Variants in TENT4A observed in about 807,000 individuals in gnomAD.
TENT4A encodes the protein DNA polymerase kappa.
Under a neutral mutation model 72.8 loss-of-function variants are expected in TENT4A, and 7 were observed. The observed-to-expected ratio is 0.10, with a 90% CI of 0.05 to 0.18. The LOEUF is 0.18. Among genes scored for constraint, TENT4A ranks in the 10% least tolerant of loss-of-function variants. The pLI, the probability that TENT4A is intolerant of heterozygous loss-of-function variation, is 1.00. For synonymous variants in TENT4A, 456 were observed against 434.3 expected (o/e 1.05, Z -0.62); for missense variants, 831 against 1,017.7 (o/e 0.82, Z 2.50).
intron 12 of TENT4A, among the ~76,000 whole-genome samples, chr5:6,753,674 CTGCGGATGCTCGG>C (rs1413270125): frequency 1.3e-5 from 2 of 152,238 alleles, no homozygotes; most frequent in African/African-American, 4.8e-5. Flanking sequence ...TCCTTGGGCT[CTGCGGATGCTCGG>C]TGCTTTCATC....
chr5:6,720,933 T>C (rs1740618140), intron 1 of TENT4A, among the ~76,000 whole-genome samples: 1 of 152,186 alleles, frequency 6.6e-6, no homozygotes, highest in Admixed American at 6.5e-5. Flanking sequence ...ACACTTGTCC[T>C]GCAAGCCCAG....
chr5:6,754,614 G>A (rs1039568590), intron 12 of TENT4A, 137 bp from the exon 13 acceptor site: 4 of 509,534 alleles, frequency 7.9e-6, no homozygotes, highest in Admixed American at 7.8e-5. Context: ...TGGAGGAGTT[G>A]GGAAGTCCCA....
intron 12 of TENT4A, among the ~76,000 whole-genome samples, chr5:6,753,720 G>T (rs28381431): frequency 6.6e-6 from 1 of 152,172 alleles, no homozygotes; most frequent in African/African-American, 2.4e-5. Context: ...TCTTTATTCC[G>T]CTCCTCCTTT....
chr5:6,747,619 T>A (rs562266713), intron 7 of TENT4A, among the ~76,000 whole-genome samples: 3 of 152,318 alleles, frequency 2.0e-5, no homozygotes, highest in African/African-American at 7.2e-5. Flanking sequence ...TCATCCATTT[T>A]TGTCCGTTGG....
At chr5:6,731,333 C>T (rs73033395) in intron 1 of TENT4A, among the ~76,000 whole-genome samples, 3,438 of 152,282 alleles carry the variant, frequency 0.023, 97 homozygotes, top group African/African-American at 0.068. Flanking sequence ...ACTGAACTCA[C>T]ATGCAGTTTG....
Position 6,739,609 on chromosome 5 carries a change from T to G in TENT4A, c.888-123T>G, listed in dbSNP as rs28363352. On this transcript the variant is annotated intron_variant, in intron 3 of 12. Transcript: ENST00000230859. Reference sequence around the variant, plus strand: ...CACCTCCTTAGGGGCCATAGGCTAGTGGGATTGTGTCTTGGCCTTTGTGGG... The same window carrying G: ...CACCTCCTTAGGGGCCATAGGCTAGGGGGATTGTGTCTTGGCCTTTGTGGG... The G allele has an allele frequency of 4.0e-5, 46 of 1,164,158 alleles. No homozygotes were observed. In the Middle Eastern group the frequency reaches 8.1e-4, roughly 21 times the overall value. 72.1% of individuals were successfully genotyped at this position (1,164,158 alleles called of 1,614,324 possible). A position where few individuals can be genotyped will look rare whatever the true frequency, so the allele number is the denominator to read the frequency against.
intron 1 of TENT4A, among the ~76,000 whole-genome samples, chr5:6,730,685 C>G (rs1579464823): frequency 6.6e-6 from 1 of 150,400 alleles, no homozygotes; most frequent in East Asian, 2.0e-4. Flanking sequence ...AAGCAGCTGA[C>G]TGGCAGCCCT....
At chr5:6,721,923 A>ATTC (rs1740673240) in intron 1 of TENT4A, among the ~76,000 whole-genome samples, 2 of 152,214 alleles carry the variant, frequency 1.3e-5, no homozygotes, top group Non-Finnish European at 2.9e-5. Flanking sequence ...TCCGTTTGAA[A>ATTC]GAGATTTCAG....
At chr5:6,720,574 G>A (rs1265853056) in intron 1 of TENT4A, among the ~76,000 whole-genome samples, 1 of 151,938 alleles carries the variant, frequency 6.6e-6, no homozygotes, top group Admixed American at 6.6e-5. Context: ...TACTCGGGAG[G>A]CAGAGGCAGG....
chr5:6,744,034 TG>T (rs1158677510), intron 6 of TENT4A, among the ~76,000 whole-genome samples, 194 bp downstream of exon 6: 1 of 152,248 alleles, frequency 6.6e-6, no homozygotes, highest in Non-Finnish European at 1.5e-5. Context: ...CATTTTGTAC[TG>T]GGTGTAACTG....
chr5:6,716,039 C>T (rs1362001121), intron 1 of TENT4A, among the ~76,000 whole-genome samples: 2 of 152,134 alleles, frequency 1.3e-5, no homozygotes, highest in African/African-American at 4.8e-5. Context: ...GAATGGACTC[C>T]GTTTCTCTTA....
At chr5:6,745,030 G>A (rs1254653409) in intron 6 of TENT4A, among the ~76,000 whole-genome samples, 1 of 152,172 alleles carries the variant, frequency 6.6e-6, no homozygotes, top group Non-Finnish European at 1.5e-5. Context: ...TGTGTTCACT[G>A]CCACATCCCT....
chr5:6,737,475 T>C (rs1380394779), intron 1 of TENT4A, 35 bp from the exon 2 acceptor site: 2 of 1,566,794 alleles, frequency 1.3e-6, no homozygotes, highest in African/African-American at 1.4e-5. Flanking sequence ...GACATTTCAT[T>C]GTAACTCTAG....
At chr5:6,751,404 G>A (rs1380085404) in intron 11 of TENT4A, 2 of 569,124 alleles carry the variant, frequency 3.5e-6, no homozygotes, top group Admixed American at 3.2e-5. Flanking sequence ...GGACACTGTG[G>A]TTCTTGAGTG....
intron 1 of TENT4A, among the ~76,000 whole-genome samples, chr5:6,736,786 G>C (rs1741528029): frequency 6.6e-6 from 1 of 152,234 alleles, no homozygotes; most frequent in Admixed American, 6.5e-5. Context: ...CTGCTTTAGA[G>C]CTTTGTTAAG....
At position 6,746,445 on chromosome 5, in the gene TENT4A, TCCACTGCTGAGAGCTGGGCCAG is replaced by T; in HGVS notation, c.1459+21_1459+42del. The T allele has an allele frequency of 6.2e-7, 1 of 1,612,696 alleles. No homozygotes were observed. The stretch of plus-strand genomic sequence containing the variant: ...GCTGCCAGGTAAGGGCGCCCTGATC[TCCACTGCTGAGAGCTGGGCCAG>T]CCTCGGGGACGTGCTGGTGACAGGG... On this transcript the variant is annotated intron_variant, in intron 7 of 12. Transcript: ENST00000230859.
intron 6 of TENT4A, 69 bp downstream of exon 6, chr5:6,743,909 C>T: frequency 6.9e-7 from 1 of 1,443,734 alleles, no homozygotes; most frequent in Non-Finnish European, 9.5e-7. Context: ...AACCAGTTGC[C>T]TAGTGGGTTC....
At chr5:6,750,830 G>C in intron 10 of TENT4A, 1 of 579,040 alleles carries the variant, frequency 1.7e-6, no homozygotes, top group Non-Finnish European at 3.0e-6. Flanking sequence ...TATCTCTTCT[G>C]TATTTCCTTT....
intron 3 of TENT4A, among the ~76,000 whole-genome samples, chr5:6,739,282 G>A (rs1288596969): frequency 6.6e-6 from 1 of 152,168 alleles, no homozygotes; most frequent in Non-Finnish European, 1.5e-5. Context: ...GGAGGCCGAA[G>A]AGGCTATAAT....
Sources: gnomAD v4.1 joint callset for allele counts (sites outside exome capture counted in the v4.1 genomes callset) on GRCh38, gnomAD v4.1.1 for gene constraint, MANE v1.5 for transcripts, NCBI Gene and HGNC (gene_info 2026-07-23, HGNC 2026-07-21) for gene names.